Variants in RABL6 observed in about 807,000 individuals in gnomAD.
The protein encoded by RABL6 is RAB, member RAS oncogene family like 6.
RABL6 carries 28 observed loss-of-function variants against 72.9 expected under a neutral mutation model. That is an observed-to-expected ratio of 0.38 (90% CI 0.28 to 0.53). The LOEUF is 0.53. Ranked by LOEUF, RABL6 falls within the 20% of genes least tolerant of loss-of-function variation. RABL6 has a pLI of 0.80. For missense variants in RABL6, 1,029 were observed against 1,008.4 expected, an observed-to-expected ratio of 1.02 and a Z score of -0.28; for synonymous variants, 477 against 421.2, an observed-to-expected ratio of 1.13 and a Z score of -1.62.
At chr9:136,839,610 G>A in intron 12 of RABL6, 84 bp from the exon 13 acceptor site, 2 of 1,545,476 alleles carry the variant, frequency 1.3e-6, no homozygotes, top group Non-Finnish European at 1.8e-6. Flanking sequence ...CCACACTTGG[G>A]CCTTGCCGGC....
At position 136,822,051 on chromosome 9, in the gene RABL6, G is replaced by C. The variant is rs1053117073; in HGVS notation, c.131-1474G>C. 13 of 1,289,672 alleles carry C rather than the reference G, an allele frequency of 1.0e-5. No homozygotes were observed. In the East Asian group the frequency reaches 1.7e-4, roughly 17 times the overall value. The allele number at this position is 1,289,672 out of a possible 1,614,324, so 79.9% of individuals were successfully genotyped here. A position where few individuals can be genotyped will look rare whatever the true frequency, so the allele number is the denominator to read the frequency against. On this transcript the variant is annotated intron_variant, in intron 1 of 14. Transcript: ENST00000311502. ...TTCAGGGGAGAAGAAATGACTGTGGGAACAGGTGCCTTGAGGTAGAGGGAG... is the reference window on the plus strand; with the variant it reads ...TTCAGGGGAGAAGAAATGACTGTGGCAACAGGTGCCTTGAGGTAGAGGGAG...
intron 13 of RABL6, 143 bp downstream of exon 13, chr9:136,840,008 G>T: frequency 6.8e-7 from 1 of 1,475,600 alleles, no homozygotes; most frequent in Non-Finnish European, 9.3e-7. Flanking sequence ...TGCAGGAGCT[G>T]ATGTTTGCAG....
chr9:136,840,926 G>C lies in RABL6; in HGVS notation c.*404G>C. 1 of 1,474,796 alleles carries C rather than the reference G, an allele frequency of 6.8e-7. No homozygotes were observed. The allele number at this position is 1,474,796 out of a possible 1,614,324, so 91.4% of individuals were successfully genotyped here. ...TGCTTGCCCTCCGCGCTCATCTGGG[G>C]CCGCAGCATGCCTATGGTTCCGCTT... On this transcript the variant is annotated 3_prime_UTR_variant, in exon 15 of 15. Coordinates refer to ENST00000311502, the MANE Select transcript of RABL6 (RefSeq NM_024718.5).
intron 5 of RABL6, 34 bp downstream of exon 5, chr9:136,829,518 A>G (rs1848427425): frequency 1.3e-6 from 2 of 1,537,124 alleles, no homozygotes; most frequent in Non-Finnish European, 1.8e-6. Flanking sequence ...GCTGCCTGTG[A>G]CTCTCACCCC....
intron 1 of RABL6, chr9:136,822,114 G>A (rs1342585672): frequency 7.8e-7 from 1 of 1,282,536 alleles, no homozygotes; most frequent in Admixed American, 2.3e-5. Context: ...GTGGGGCACA[G>A]GGACAGCCCA....
rs754546926 is a variant in RABL6, at chr9:136,840,469, G to A, written c.2137G>A (p.Gly713Ser). Residue 713 changes from glycine (G) to serine (S), a missense_variant, in exon 15 of 15, where the codon GGC (glycine) becomes AGC (serine). Coordinates refer to ENST00000311502, the MANE Select transcript of RABL6 (RefSeq NM_024718.5). ...AADELEAFLG[G>S]GAPGGRHPGG... is the part of the protein sequence containing the mutation. ...CGATGAGCTGGAGGCTTTCCTGGGG[G>A]GCGGGGCCCCGGGCGGCCGCCACCC... 10 of 1,533,316 alleles carry A rather than the reference G, an allele frequency of 6.5e-6. No individual in the cohort carries two copies. Among genetic ancestry groups the A allele is most frequent in the Middle Eastern group, 2.0e-4 (1 of 4,924 alleles). 95.0% of individuals were successfully genotyped at this position (1,533,316 alleles called of 1,614,324 possible).
At chr9:136,821,359 C>T (rs1406690685) in intron 1 of RABL6, 2 of 985,338 alleles carry the variant, frequency 2.0e-6, no homozygotes, top group African/African-American at 1.7e-5. Flanking sequence ...GACGGGACCA[C>T]CGCATGTGGA....
intron 1 of RABL6, chr9:136,815,247 A>G (rs762022004): frequency 3.7e-5 from 11 of 301,316 alleles, no homozygotes; most frequent in Non-Finnish European, 7.2e-5. Context: ...TTTGCCTGCT[A>G]TGGCTCCCTT....
At chr9:136,813,789 G>A (rs1848062847) in intron 1 of RABL6, 1 of 189,498 alleles carries the variant, frequency 5.3e-6, no homozygotes, top group Non-Finnish European at 1.1e-5. Flanking sequence ...CTAATTTTTT[G>A]TATTTTTAGT....
chr9:136,823,402 G>A, intron 1 of RABL6, 123 bp from the exon 2 acceptor site: 7 of 1,355,136 alleles, frequency 5.2e-6, no homozygotes, highest in Non-Finnish European at 7.0e-6. Flanking sequence ...CACCTGGTCT[G>A]ATTCTAGCAA....
intron 5 of RABL6, 123 bp from the exon 6 acceptor site, chr9:136,831,598 T>G: frequency 7.1e-7 from 1 of 1,399,282 alleles, no homozygotes; most frequent in Admixed American, 1.8e-5. Context: ...ATGCTTCTGC[T>G]GGGTTGGATG....
At chr9:136,820,457 C>T (rs186361910) in intron 1 of RABL6, among the ~76,000 whole-genome samples, 181 of 152,124 alleles carry the variant, frequency 1.2e-3, no homozygotes, top group Admixed American at 2.0e-3. Context: ...CTGCAACCTC[C>T]ACCTCCTGGG....
intron 1 of RABL6, among the ~76,000 whole-genome samples, chr9:136,822,226 G>A (rs1184426639): frequency 1.3e-5 from 2 of 152,182 alleles, no homozygotes; most frequent in African/African-American, 4.8e-5. Context: ...AGAGGAGGCT[G>A]CAGACCTGAC....
At chr9:136,821,340 A>G (rs1389370994) in intron 1 of RABL6, 38 of 985,176 alleles carry the variant, frequency 3.9e-5, no homozygotes, top group Non-Finnish European at 4.3e-5. Context: ...CTCCCGGGAA[A>G]GACCCGGAGA....
chr9:136,814,062 G>A (rs754625728), intron 1 of RABL6: 12 of 380,916 alleles, frequency 3.2e-5, no homozygotes, highest in African/African-American at 1.3e-4. Context: ...TCAAACCAGC[G>A]AGTTCCAAGG....
intron 5 of RABL6, 121 bp from the exon 6 acceptor site, chr9:136,831,600 G>C: frequency 7.1e-7 from 1 of 1,408,634 alleles, no homozygotes. Flanking sequence ...GCTTCTGCTG[G>C]GTTGGATGTT....
chr9:136,822,161 G>A, intron 1 of RABL6: 1 of 1,165,492 alleles, frequency 8.6e-7, no homozygotes. Context: ...CGCCCTCTGC[G>A]TTGGGAGCTT....
chr9:136,839,872 G>T lies in RABL6; in HGVS notation c.1930+7G>T. On this transcript the variant is annotated splice_region_variant and intron_variant, in intron 13 of 14. Coordinates refer to ENST00000311502, the MANE Select transcript of RABL6 (RefSeq NM_024718.5). ...AAGGAGAGCAGTGAGGAAGGTGGGT[G>T]GGGGCACCAGAGTGCGGTCAGCCTG... 3 of 1,610,124 alleles carry T rather than the reference G, an allele frequency of 1.9e-6. No homozygotes were observed. The highest frequency in any genetic ancestry group is 1.7e-5 in the Admixed American group (1 of 59,568).
At chr9:136,808,537 G>C (rs1196576328) in intron 1 of RABL6, 1 of 345,340 alleles carries the variant, frequency 2.9e-6, no homozygotes, top group Admixed American at 5.3e-5. Context: ...CCGAGCCGCG[G>C]GTCGTTTCCC....
Sources: gnomAD v4.1 joint callset for allele counts (sites outside exome capture counted in the v4.1 genomes callset) on GRCh38, gnomAD v4.1.1 for gene constraint, MANE v1.5 for transcripts, NCBI Gene and HGNC (gene_info 2026-07-23, HGNC 2026-07-21) for gene names.